Variants in ATP5PB observed in about 807,000 individuals in gnomAD.
ATP5PB encodes the protein ATP synthase peripheral stalk-membrane subunit b.
A neutral mutation model predicts 34.5 loss-of-function variants in ATP5PB; 21 were observed. The observed-to-expected ratio is 0.61, with a 90% confidence interval of 0.43 to 0.88. The LOEUF is 0.88. Ranked by LOEUF, ATP5PB falls within the 40% of genes least tolerant of loss-of-function variation. The pLI, the probability that ATP5PB is intolerant of heterozygous loss-of-function variation, is 0.00. For missense variants in ATP5PB, 293 were observed against 317.4 expected, an observed-to-expected ratio of 0.92 and a Z score of 0.58; for synonymous variants, 108 against 114.1, an observed-to-expected ratio of 0.95 and a Z score of 0.34.
At chr1:111,456,335 G>T in intron 4 of ATP5PB, 86 bp downstream of exon 4, 5 of 1,344,090 alleles carry the variant, frequency 3.7e-6, no homozygotes, top group Non-Finnish European at 5.0e-6. Context: ...AGTGTTAGGG[G>T]AGCAACATAT....
At chr1:111,454,417 G>C in intron 3 of ATP5PB, 61 bp downstream of exon 3, 1 of 1,521,308 alleles carries the variant, frequency 6.6e-7, no homozygotes, top group Non-Finnish European at 8.8e-7. Context: ...AATCAAGTTA[G>C]GTGGGTTTTC....
intron 1 of ATP5PB, 83 bp from the exon 2 acceptor site, chr1:111,449,754 T>C (rs1218980959): frequency 1.3e-6 from 2 of 1,597,762 alleles, no homozygotes; most frequent in Non-Finnish European, 1.7e-6. Flanking sequence ...TACATAGGCT[T>C]AGTGATAGAG....
rs748395992 is a variant in ATP5PB at position 111,460,898 on chromosome 1, TTC to T, written c.694-15_694-14del. The stretch of plus-strand genomic sequence containing the variant: ...ATGTTTTGGAAAGGTCTAACCAGAT[TTC>T]TCTTTCCTTATCACAGGAAAAGGAG... On this transcript the variant is annotated splice_polypyrimidine_tract_variant and intron_variant, in intron 6 of 6. Transcript: ENST00000369722. 6.2e-7 allele frequency: 1 copy of T among 1,612,304 alleles called. No homozygotes were observed. Among genetic ancestry groups the T allele is most frequent in the South Asian group, 1.1e-5 (1 of 91,014 alleles).
chr1:111,461,217 T>G lies in ATP5PB; in HGVS notation c.*223T>G. On this transcript the variant is annotated 3_prime_UTR_variant, in exon 7 of 7. Transcript: ENST00000369722. ...CTTTGAGTTGTTCCGTGATCACTTC[T>G]GAATAAGCAGTTTGCCTTTATAAAA... 1 of 387,320 alleles carries G rather than the reference T, an allele frequency of 2.6e-6. No individual in the cohort carries two copies. The highest frequency in any genetic ancestry group is 4.8e-6 in the Non-Finnish European group (1 of 209,580). The allele number at this position is 387,320 out of a possible 1,614,324, so 24.0% of individuals were successfully genotyped here.
intron 1 of ATP5PB, 93 bp from the exon 2 acceptor site, chr1:111,449,744 T>G: frequency 1.3e-6 from 2 of 1,588,606 alleles, no homozygotes; most frequent in Non-Finnish European, 1.7e-6. Flanking sequence ...GAAAGAGGGG[T>G]ACATAGGCTT....
rs1008192351 is a variant in ATP5PB at position 111,456,018 on chromosome 1, G to T, written c.224-68G>T. The T allele has an allele frequency of 2.3e-6, 3 of 1,296,364 alleles. No individual in the cohort carries two copies. In the African/African-American group the frequency reaches 4.6e-5, roughly 20 times the overall value. The allele number at this position is 1,296,364 out of a possible 1,614,324, so 80.3% of individuals were successfully genotyped here. On this transcript the variant is annotated intron_variant, in intron 3 of 6. Coordinates refer to ENST00000369722, the MANE Select transcript of ATP5PB (RefSeq NM_001688.5). ...TGCCTTCAGCTAATCAAATATAGAA[G>T]TACCTTTCTATCTTCCCTCTTTTAG... is the stretch of plus-strand genomic sequence containing the variant.
chr1:111,458,093 CT>C (rs2101759692), intron 5 of ATP5PB, among the ~76,000 whole-genome samples: 1 of 152,322 alleles, frequency 6.6e-6, no homozygotes, highest in Non-Finnish European at 1.5e-5. Flanking sequence ...CAAAAAGCTT[CT>C]GCCTTCATGG....
chr1:111,461,401 C>A lies in ATP5PB; in HGVS notation c.*407C>A. On this transcript the variant is annotated 3_prime_UTR_variant, in exon 7 of 7. Transcript: ENST00000369722. The stretch of plus-strand genomic sequence containing the variant: ...TCATATGGGTAAAAATTAAAGATGT[C>A]ATTGAACTACTGTCTTGTTTATGAG... 1 of 179,824 alleles carries A rather than the reference C, an allele frequency of 5.6e-6. No homozygotes were observed. The highest frequency in any genetic ancestry group is 1.2e-5 in the Non-Finnish European group (1 of 84,070). The allele number at this position is 179,824 out of a possible 1,614,324, so 11.1% of individuals were successfully genotyped here.
rs950221509 is a variant in ATP5PB at position 111,462,461 on chromosome 1, A to G, written c.*1467A>G. The G allele has an allele frequency of 5.3e-5, 8 of 152,246 alleles. No individual in the cohort carries two copies. The highest frequency in any genetic ancestry group is 2.1e-4 in the South Asian group (1 of 4,836). The allele number at this position is 152,246 out of a possible 1,614,324, so 9.4% of individuals were successfully genotyped here. ...TTACAATCTTTTTTTAAATTGAAGAAAAATCCTGTAGATAAATTAGAAAAT... is the reference window on the plus strand; with the variant it reads ...TTACAATCTTTTTTTAAATTGAAGAGAAATCCTGTAGATAAATTAGAAAAT... On this transcript the variant is annotated 3_prime_UTR_variant, in exon 7 of 7. Transcript: ENST00000369722.
chr1:111,456,595 T>G (rs1653478753), intron 4 of ATP5PB, 35 bp from the exon 5 acceptor site: 1 of 1,599,882 alleles, frequency 6.3e-7, no homozygotes, highest in Non-Finnish European at 8.5e-7. Flanking sequence ...CCTTTGTGCT[T>G]TCACTGATCT....
rs41314011 is a variant in ATP5PB at position 111,456,144 on chromosome 1, G to T, written c.282G>T (p.Val94=). 945 of 1,612,252 alleles carry T rather than the reference G, an allele frequency of 5.9e-4. 1 individual carries two copies. Among genetic ancestry groups the T allele is most frequent in the Admixed American group, 1.3e-3 (79 of 59,804 alleles). Residue 94 remains valine, a synonymous_variant, in exon 4 of 7, where the codon GTG becomes GTT. Transcript: ENST00000369722. ...ACGCTTTATCCAAAGAAATATATGT[G>T]ATTAGCGCAGAGACCTTCACTGCCC... ...ILYALSKEIY[V]ISAETFTALS...
chr1:111,456,156 G>C lies in ATP5PB; in HGVS notation c.294G>C (p.Glu98Asp). Residue 98 changes from glutamate (E) to aspartate (D), a missense_variant, in exon 4 of 7, where the codon GAG (glutamate) becomes GAC (aspartate). Transcript: ENST00000369722. The stretch of plus-strand genomic sequence containing the variant: ...AAGAAATATATGTGATTAGCGCAGA[G>C]ACCTTCACTGCCCTATCAGTACTAG... ...LSKEIYVISA[E>D]TFTALSVLGV... is the part of the protein sequence containing the mutation. 8 of 1,612,952 alleles carry C rather than the reference G, an allele frequency of 5.0e-6. No individual in the cohort carries two copies. Among genetic ancestry groups the C allele is most frequent in the Non-Finnish European group, 6.8e-6 (8 of 1,179,374 alleles).
chr1:111,456,424 T>C (rs926559928), intron 4 of ATP5PB, among the ~76,000 whole-genome samples, 175 bp downstream of exon 4: 12 of 152,242 alleles, frequency 7.9e-5, no homozygotes, highest in African/African-American at 2.7e-4. Flanking sequence ...TACTAAACAC[T>C]TTAGCTTTTC....
rs1653483971 is a variant in ATP5PB at position 111,456,692 on chromosome 1, T to C, written c.450T>C (p.Ile150=). 6.2e-7 allele frequency: 1 copy of C among 1,613,698 alleles called. No individual in the cohort carries two copies. Among genetic ancestry groups the C allele is most frequent in the South Asian group, 1.1e-5 (1 of 91,036 alleles). Reference sequence around the variant, plus strand: ...CCATCCAACACATCCAGAATGCAATTGATACGGAGAAGTCACAACAGGCAC... The same window carrying C: ...CCATCCAACACATCCAGAATGCAATCGATACGGAGAAGTCACAACAGGCAC... ...QASIQHIQNA[I]DTEKSQQALV... Residue 150 remains isoleucine (I), a synonymous_variant, in exon 5 of 7, where the codon ATT becomes ATC. Transcript: ENST00000369722.
intron 3 of ATP5PB, among the ~76,000 whole-genome samples, 178 bp from the exon 4 acceptor site, chr1:111,455,908 T>G (rs547428218): frequency 1.3e-5 from 2 of 152,374 alleles, no homozygotes; most frequent in South Asian, 4.1e-4. Context: ...CAGATTTCCC[T>G]GAGTCCATAT....
At chr1:111,449,973 T>G (rs1050512622) in intron 2 of ATP5PB, 100 bp downstream of exon 2, 2 of 1,510,200 alleles carry the variant, frequency 1.3e-6, no homozygotes, top group Non-Finnish European at 1.8e-6. Flanking sequence ...GAAATTTCTT[T>G]CCGATAATTT....
At position 111,462,202 on chromosome 1, in the gene ATP5PB, G is replaced by T. The variant is rs1653640861; in HGVS notation, c.*1208G>T. 2 of 152,166 alleles carry T rather than the reference G, an allele frequency of 1.3e-5. No homozygotes were observed. Among genetic ancestry groups the T allele is most frequent in the Admixed American group, 1.3e-4 (2 of 15,284 alleles). 9.4% of individuals were successfully genotyped at this position (152,166 alleles called of 1,614,324 possible). On this transcript the variant is annotated 3_prime_UTR_variant, in exon 7 of 7. Transcript: ENST00000369722. ...CTAAAACATAGAAGCAGCCCAATCG[G>T]CCATCAGTAGATGAATGGATAAGCA...
intron 2 of ATP5PB, 24 bp downstream of exon 2, chr1:111,449,897 T>G (rs372642755): frequency 1.2e-5 from 20 of 1,613,942 alleles, no homozygotes; most frequent in African/African-American, 4.0e-5. Context: ...TAATGCTCCC[T>G]TTCGTCTTTG....
chr1:111,456,297 A>G, intron 4 of ATP5PB, 48 bp downstream of exon 4: 1 of 1,496,154 alleles, frequency 6.7e-7, no homozygotes, highest in Non-Finnish European at 9.0e-7. Flanking sequence ...CAGAAACATG[A>G]AGGTCATCTA....
Sources: gnomAD v4.1 joint callset for allele counts (sites outside exome capture counted in the v4.1 genomes callset) on GRCh38, gnomAD v4.1.1 for gene constraint, MANE v1.5 for transcripts, NCBI Gene and HGNC (gene_info 2026-07-23, HGNC 2026-07-21) for gene names.